Variants in ZNF804A observed in about 807,000 individuals in gnomAD.
ZNF804A encodes the protein zinc finger protein 804A.
A neutral mutation model predicts 16.5 loss-of-function variants in ZNF804A; 2 were observed. The observed-to-expected ratio is 0.12, with a 90% CI of 0.05 to 0.38. The LOEUF (loss-of-function observed/expected upper bound fraction) is 0.38, where lower values mean the gene tolerates loss of function less well. Ranked by LOEUF, ZNF804A falls within the 10% of genes least tolerant of loss-of-function variation. The probability of loss-of-function intolerance (pLI) is 0.99; values close to 1 mark genes in which losing one functional copy is unlikely to be tolerated. For synonymous variants in ZNF804A, 534 were observed against 489.6 expected (o/e 1.09, Z -1.20); for missense variants, 1,473 against 1,390.7 (o/e 1.06, Z -0.94).
intron 1 of ZNF804A, among the ~76,000 whole-genome samples, chr2:184,655,625 G>C (rs1026565077): frequency 6.6e-6 from 1 of 152,014 alleles, no homozygotes; most frequent in Non-Finnish European, 1.5e-5. Context: ...TGTAGATATA[G>C]GTTCAATGAA....
chr2:184,680,423 T>C (rs909190917), intron 1 of ZNF804A, among the ~76,000 whole-genome samples: 2 of 151,878 alleles, frequency 1.3e-5, no homozygotes, highest in Non-Finnish European at 2.9e-5. Flanking sequence ...GCTGAACAGA[T>C]GGGATGACCT....
intron 1 of ZNF804A, among the ~76,000 whole-genome samples, chr2:184,799,040 G>T (rs552666190): frequency 6.6e-6 from 1 of 151,994 alleles, no homozygotes; most frequent in Admixed American, 6.6e-5. Flanking sequence ...CTCTGGTACC[G>T]CGGGCTGTCA....
At chr2:184,611,573 C>G (rs1691240139) in intron 1 of ZNF804A, among the ~76,000 whole-genome samples, 2 of 152,028 alleles carry the variant, frequency 1.3e-5, no homozygotes, top group African/African-American at 4.8e-5. Context: ...TCTTTTAATT[C>G]TCTTCAATAA....
intron 1 of ZNF804A, among the ~76,000 whole-genome samples, chr2:184,690,858 G>A (rs990744195): frequency 6.6e-6 from 1 of 151,932 alleles, no homozygotes; most frequent in Admixed American, 6.6e-5. Flanking sequence ...AACTATACAT[G>A]TTAGACCATA....
At chr2:184,905,086 AGAGT>A (rs1685248769) in intron 2 of ZNF804A, among the ~76,000 whole-genome samples, 2 of 112,496 alleles carry the variant, frequency 1.8e-5, no homozygotes, top group Non-Finnish European at 4.1e-5. Context: ...ACACTAGATT[AGAGT>A]GTCTGTGTGT....
chr2:184,860,943 C>A (rs911675322), intron 1 of ZNF804A, among the ~76,000 whole-genome samples: 1 of 152,186 alleles, frequency 6.6e-6, no homozygotes, highest in African/African-American at 2.4e-5. Context: ...CTGCTGTGGG[C>A]CAGCCTTGTG....
intron 1 of ZNF804A, among the ~76,000 whole-genome samples, chr2:184,695,465 TAAAAA>T (rs779929990): frequency 1.4e-4 from 7 of 51,852 alleles, no homozygotes; most frequent in African/African-American, 4.7e-4. Context: ...ACTCCGTCAT[TAAAAA>T]AAAAAAAAAA....
intron 3 of ZNF804A, among the ~76,000 whole-genome samples, 172 bp downstream of exon 3, chr2:184,933,905 C>A (rs997839800): frequency 2.6e-5 from 4 of 151,932 alleles, no homozygotes; most frequent in African/African-American, 9.7e-5. Flanking sequence ...GAATTTTATG[C>A]AAACACCTGT....
intron 2 of ZNF804A, among the ~76,000 whole-genome samples, chr2:184,926,671 C>T (rs974402498): frequency 1.3e-5 from 2 of 152,000 alleles, no homozygotes; most frequent in African/African-American, 4.8e-5. Context: ...TTTTCCGGAT[C>T]CTGTAGGTGT....
At chr2:184,905,389 G>A (rs571928798) in intron 2 of ZNF804A, among the ~76,000 whole-genome samples, 1 of 151,940 alleles carries the variant, frequency 6.6e-6, no homozygotes, top group South Asian at 2.1e-4. Context: ...TCACATTTAG[G>A]ATAATCATAT....
intron 1 of ZNF804A, among the ~76,000 whole-genome samples, chr2:184,663,198 T>C (rs1460543205): frequency 6.6e-6 from 1 of 152,180 alleles, no homozygotes; most frequent in Non-Finnish European, 1.5e-5. Flanking sequence ...CTGTGCTCTC[T>C]GGTGCCTGGG....
At chr2:184,763,678 C>T (rs546171034) in intron 1 of ZNF804A, among the ~76,000 whole-genome samples, 4 of 112,660 alleles carry the variant, frequency 3.6e-5, no homozygotes, top group Admixed American at 2.7e-4. Context: ...AGTCTTGCTC[C>T]GTCGCCCAGG....
intron 2 of ZNF804A, among the ~76,000 whole-genome samples, chr2:184,922,695 T>C (rs773203739): frequency 1.3e-4 from 20 of 152,024 alleles, no homozygotes; most frequent in Non-Finnish European, 2.8e-4. Flanking sequence ...CCTGAAGAGT[T>C]TCCCCAGTGT....
intron 1 of ZNF804A, among the ~76,000 whole-genome samples, chr2:184,804,733 A>C (rs1004185646): frequency 3.3e-5 from 5 of 152,216 alleles, no homozygotes; most frequent in Non-Finnish European, 5.9e-5. Context: ...GAGTAGTTTA[A>C]TGTATCCAGG....
intron 1 of ZNF804A, among the ~76,000 whole-genome samples, chr2:184,786,461 A>G (rs1431453609): frequency 1.3e-5 from 2 of 152,028 alleles, no homozygotes; most frequent in South Asian, 4.1e-4. Flanking sequence ...CATTTTTGTG[A>G]CTAAATCTTT....
intron 1 of ZNF804A, among the ~76,000 whole-genome samples, chr2:184,663,711 C>A (rs1008690441): frequency 2.0e-5 from 3 of 152,240 alleles, no homozygotes; most frequent in Admixed American, 2.0e-4. Flanking sequence ...ACCCATGGAC[C>A]AATCTGCACA....
At chr2:184,814,329 A>G (rs1282543999) in intron 1 of ZNF804A, among the ~76,000 whole-genome samples, 1 of 152,088 alleles carries the variant, frequency 6.6e-6, no homozygotes, top group Non-Finnish European at 1.5e-5. Context: ...TGTGATTTCC[A>G]GTACTACTTT....
chr2:184,841,965 G>A (rs1235316643), intron 1 of ZNF804A, among the ~76,000 whole-genome samples: 1 of 151,968 alleles, frequency 6.6e-6, no homozygotes, highest in African/African-American at 2.4e-5. Context: ...TGTAAAATGG[G>A]GCTAATAATA....
chr2:184,660,004 C>T (rs1253814431), intron 1 of ZNF804A, among the ~76,000 whole-genome samples: 4 of 152,062 alleles, frequency 2.6e-5, no homozygotes, highest in African/African-American at 7.2e-5. Flanking sequence ...CCACCTACTC[C>T]GAAGGCTGAA....
Sources: allele counts gnomAD v4.1 joint callset (sites outside exome capture counted in the v4.1 genomes callset), GRCh38; gene constraint gnomAD v4.1.1; transcripts MANE v1.5; gene names NCBI Gene and HGNC (gene_info 2026-07-23, HGNC 2026-07-21).